The following MKLN1 variants were observed in gnomAD, a reference collection of about 807,000 sequenced individuals.
MKLN1 encodes the protein muskelin.
MKLN1 carries 18 observed loss-of-function variants against 99.0 expected under a neutral mutation model. The observed-to-expected ratio is 0.18, with a 90% CI of 0.13 to 0.27. MKLN1 has a LOEUF of 0.27. MKLN1 is among the 10% of genes least tolerant of loss of function. The probability of loss-of-function intolerance (pLI) is 1.00; values close to 1 mark genes in which losing one functional copy is unlikely to be tolerated. For synonymous variants in MKLN1, 288 were observed against 293.2 expected (o/e 0.98, Z 0.18); for missense variants, 621 against 875.9 (o/e 0.71, Z 3.67).
intron 3 of MKLN1, among the ~76,000 whole-genome samples, chr7:131,322,672 G>A (rs908836840): frequency 1.8e-4 from 27 of 146,902 alleles, no homozygotes; most frequent in Non-Finnish European, 2.7e-4. Flanking sequence ...CCGGGTTCAC[G>A]CCATTCTCCT....
chr7:131,465,373 T>C (rs1390909366), intron 14 of MKLN1, among the ~76,000 whole-genome samples: 2 of 152,184 alleles, frequency 1.3e-5, no homozygotes, highest in African/African-American at 2.4e-5. Context: ...TCTTCCAAAG[T>C]TATCTGAGGA....
At chr7:131,185,819 G>A (rs560412019) in intron 2 of MKLN1, among the ~76,000 whole-genome samples, 2 of 152,314 alleles carry the variant, frequency 1.3e-5, no homozygotes, top group East Asian at 3.9e-4. Flanking sequence ...GCTTAGAGAT[G>A]TAAAGAGCTT....
At chr7:131,466,541 A>C in intron 15 of MKLN1, 126 bp downstream of exon 15, 1 of 609,876 alleles carries the variant, frequency 1.6e-6, no homozygotes, top group Non-Finnish European at 2.4e-6. Context: ...CTGTTATTCC[A>C]CTTATTTTTG....
intron 3 of MKLN1, among the ~76,000 whole-genome samples, chr7:131,264,835 G>A (rs1313436135): frequency 5.3e-5 from 8 of 151,672 alleles, no homozygotes; most frequent in Non-Finnish European, 1.2e-4. Flanking sequence ...CCACTTATTC[G>A]GTAATTTTTT....
chr7:131,381,579 A>G (rs1281246186), intron 2 of MKLN1, among the ~76,000 whole-genome samples: 3 of 152,190 alleles, frequency 2.0e-5, no homozygotes, highest in Non-Finnish European at 4.4e-5. Context: ...GAAATCTAAA[A>G]TAAATTAGAA....
At position 131,490,857 on chromosome 7, in the gene MKLN1, G is replaced by A. The variant is rs891683176; in HGVS notation, c.*3129G>A. 6.6e-6 allele frequency: 1 copy of A among 152,510 alleles called. No individual in the cohort carries two copies. Among genetic ancestry groups the A allele is most frequent in the African/African-American group, 2.4e-5 (1 of 41,398 alleles). The allele number at this position is 152,510 out of a possible 1,614,324, so 9.4% of individuals were successfully genotyped here. On this transcript the variant is annotated 3_prime_UTR_variant, in exon 18 of 18. Coordinates refer to ENST00000352689, the MANE Select transcript of MKLN1 (RefSeq NM_013255.5). ...AGTGCTATGTAGAGATACATTAACA[G>A]AGTTATAATAAAACAGTGTTTTAAA...
intron 10 of MKLN1, among the ~76,000 whole-genome samples, chr7:131,439,119 C>T (rs1795755479): frequency 6.6e-6 from 1 of 152,156 alleles, no homozygotes; most frequent in East Asian, 1.9e-4. Context: ...CAGAGCTATG[C>T]ACATCCCTGC....
intron 8 of MKLN1, among the ~76,000 whole-genome samples, chr7:131,427,747 A>C (rs893184848): frequency 1.3e-5 from 2 of 151,894 alleles, no homozygotes; most frequent in Non-Finnish European, 2.9e-5. Flanking sequence ...GTAGAGACGG[A>C]GTTTCACTAT....
At chr7:131,137,399 A>T (rs1795664595) in intron 1 of MKLN1, among the ~76,000 whole-genome samples, 1 of 152,172 alleles carries the variant, frequency 6.6e-6, no homozygotes, top group African/African-American at 2.4e-5. Flanking sequence ...GATTATTGCA[A>T]CGTAATGTGT....
chr7:131,463,423 T>A, intron 13 of MKLN1, 59 bp downstream of exon 13: 1 of 1,518,366 alleles, frequency 6.6e-7, no homozygotes, highest in South Asian at 1.2e-5. Context: ...GGTTGTTGGT[T>A]TATTCAAAAA....
chr7:131,224,858 G>T (rs1340668892), intron 3 of MKLN1, among the ~76,000 whole-genome samples: 1 of 151,700 alleles, frequency 6.6e-6, no homozygotes, highest in African/African-American at 2.4e-5. Context: ...CAGATCATGA[G>T]GTCAGGAAAT....
intron 3 of MKLN1, among the ~76,000 whole-genome samples, chr7:131,298,807 G>A (rs939033559): frequency 6.6e-6 from 1 of 152,126 alleles, no homozygotes; most frequent in Non-Finnish European, 1.5e-5. Flanking sequence ...TTTTTGTTTG[G>A]TAGTTTAGTA....
chr7:131,243,058 A>G (rs917584044), intron 3 of MKLN1: 7 of 519,846 alleles, frequency 1.3e-5, no homozygotes, highest in Admixed American at 2.4e-5. Flanking sequence ...AAGTTCACAG[A>G]TGGCCAAACT....
chr7:131,126,595 C>T (rs1398636278), intron 1 of MKLN1, among the ~76,000 whole-genome samples: 1 of 152,106 alleles, frequency 6.6e-6, no homozygotes. Context: ...CTCTTGTCAC[C>T]CAGGCTGGAG....
At chr7:131,429,948 A>C (rs1475385958) in intron 9 of MKLN1, among the ~76,000 whole-genome samples, 1 of 152,268 alleles carries the variant, frequency 6.6e-6, no homozygotes, top group East Asian at 1.9e-4. Context: ...GCACATATAC[A>C]TAAAGCATTT....
intron 12 of MKLN1, among the ~76,000 whole-genome samples, chr7:131,448,025 G>A (rs556294587): frequency 9.9e-5 from 15 of 152,234 alleles, no homozygotes; most frequent in East Asian, 7.7e-4. Context: ...TCAGGAGATC[G>A]AGACCATCCT....
intron 6 of MKLN1, among the ~76,000 whole-genome samples, chr7:131,404,925 A>AAAACAAAC (rs58745921): frequency 0.37 from 56,490 of 150,892 alleles, 11,050 homozygotes; most frequent in East Asian, 0.65. Flanking sequence ...ATACTTGGTT[A>AAAACAAAC]AAACAAACAA....
intron 9 of MKLN1, among the ~76,000 whole-genome samples, chr7:131,433,314 A>G (rs950162997): frequency 3.3e-5 from 5 of 152,198 alleles, no homozygotes; most frequent in African/African-American, 9.6e-5. Flanking sequence ...AGAATAACCC[A>G]TAGATCACAT....
At chr7:131,469,775 C>A (rs567919720) in intron 15 of MKLN1, among the ~76,000 whole-genome samples, 1 of 152,180 alleles carries the variant, frequency 6.6e-6, no homozygotes, top group East Asian at 1.9e-4. Context: ...TATGGTATAA[C>A]AGAGACGTTA....
Sources: gnomAD v4.1 joint callset for allele counts (sites outside exome capture counted in the v4.1 genomes callset) on GRCh38, gnomAD v4.1.1 for gene constraint, MANE v1.5 for transcripts, NCBI Gene and HGNC (gene_info 2026-07-23, HGNC 2026-07-21) for gene names.